The following GNAS variants were observed in gnomAD, a reference collection of about 807,000 sequenced individuals.
GNAS encodes the protein GNAS complex locus.
GNAS carries 8 observed loss-of-function variants against 54.5 expected under a neutral mutation model. The ratio of observed to expected loss-of-function variants is 0.15; its 90% CI spans 0.09 to 0.26. The LOEUF is 0.26. GNAS is among the 10% of genes least tolerant of loss of function. The probability of loss-of-function intolerance (pLI) is 1.00; values close to 1 mark genes in which losing one functional copy is unlikely to be tolerated. For missense variants in GNAS, 170 were observed against 529.8 expected (o/e 0.32, Z 6.67); for synonymous variants, 204 against 191.4 (o/e 1.07, Z -0.54).
At chr20:58,898,519 A>C (rs759334935) in intron 2 of GNAS, 1 of 198,344 alleles carries the variant, frequency 5.0e-6, no homozygotes, top group Non-Finnish European at 1.0e-5. Flanking sequence ...TTATGCCTTT[A>C]TGCCTTAAGT....
At chr20:58,891,930 G>T (rs1237694679) in intron 1 of GNAS, 65 bp downstream of exon 1, 19 of 923,420 alleles carry the variant, frequency 2.1e-5, no homozygotes, top group Non-Finnish European at 2.1e-5. Context: ...CGCAGGCCGC[G>T]CGCGCCGAGC....
At chr20:58,871,416 A>T (rs1159891372) in intron 1 of GNAS, among the ~76,000 whole-genome samples, 2 of 152,106 alleles carry the variant, frequency 1.3e-5, no homozygotes, top group Non-Finnish European at 2.9e-5. Flanking sequence ...GGAGTTCAAG[A>T]CCAGCCTGAC....
At chr20:58,876,153 T>C (rs555084913) in intron 1 of GNAS, among the ~76,000 whole-genome samples, 2 of 152,310 alleles carry the variant, frequency 1.3e-5, no homozygotes, top group African/African-American at 2.4e-5. Flanking sequence ...AATACTCTTA[T>C]AGAAACCCAA....
intron 1 of GNAS, among the ~76,000 whole-genome samples, chr20:58,878,399 G>C (rs1796177026): frequency 6.6e-6 from 1 of 152,252 alleles, no homozygotes; most frequent in South Asian, 2.1e-4. Flanking sequence ...AGCTGGTAAT[G>C]AAACAGCAAG....
chr20:58,911,055 T>C lies in GNAS; in HGVS notation c.*226T>C, dbSNP rs1298096505. 2 of 670,940 alleles carry C rather than the reference T, an allele frequency of 3.0e-6. No individual in the cohort carries two copies. The highest frequency in any genetic ancestry group is 1.8e-5 in the African/African-American group (1 of 56,588). 41.6% of individuals were successfully genotyped at this position (670,940 alleles called of 1,614,324 possible). A position where few individuals can be genotyped will look rare whatever the true frequency, so the allele number is the denominator to read the frequency against. On this transcript the variant is annotated 3_prime_UTR_variant, in exon 13 of 13. Transcript: ENST00000371085. ...GAAAAAGGAAAAAAGGCCACAAAAG[T>C]TCCCTCTCACTTTCAGTAAAAATAA...
intron 1 of GNAS, chr20:58,855,298 T>C (rs774226238): frequency 1.3e-6 from 2 of 1,582,292 alleles, no homozygotes; most frequent in South Asian, 1.2e-5. Context: ...GACGAAAAGA[T>C]GGGCTACATG....
chr20:58,899,666 CA>C (rs557238685), intron 3 of GNAS, among the ~76,000 whole-genome samples: 858 of 77,244 alleles, frequency 0.011, 5 homozygotes, highest in South Asian at 0.1. Flanking sequence ...CACACACACG[CA>C]CACACATGCA....
chr20:58,888,592 G>A (rs1330360425), upstream of GNAS: 1 of 152,268 alleles, frequency 6.6e-6, no homozygotes, highest in Admixed American at 6.5e-5. Flanking sequence ...CTCCCACCTG[G>A]GAGGACGCCT....
chr20:58,849,070 G>C (rs1284074868), intron 1 of GNAS, among the ~76,000 whole-genome samples: 1 of 152,090 alleles, frequency 6.6e-6, no homozygotes, highest in Non-Finnish European at 1.5e-5. Context: ...TTTTCAACTG[G>C]GGGAGATTTT....
intron 6 of GNAS, among the ~76,000 whole-genome samples, chr20:58,905,781 C>G (rs985513944): frequency 6.6e-6 from 1 of 152,056 alleles, no homozygotes; most frequent in African/African-American, 2.4e-5. Context: ...ATTGAATTGA[C>G]CCTAAGCATT....
chr20:58,870,726 C>T (rs1394335073), intron 1 of GNAS, among the ~76,000 whole-genome samples: 1 of 152,124 alleles, frequency 6.6e-6, no homozygotes, highest in Non-Finnish European at 1.5e-5. Context: ...TCTCCCTGCG[C>T]CAGACGCACA....
intron 1 of GNAS, among the ~76,000 whole-genome samples, chr20:58,859,553 C>T (rs1039435025): frequency 5.9e-5 from 9 of 151,810 alleles, no homozygotes; most frequent in Non-Finnish European, 8.8e-5. Context: ...TGAAACAGTC[C>T]TGGGCAATAA....
chr20:58,910,413 C>T lies in GNAS; in HGVS notation c.1038+12C>T, dbSNP rs1184947836. 3 of 1,596,656 alleles carry T rather than the reference C, an allele frequency of 1.9e-6. No individual in the cohort carries two copies. The highest frequency in any genetic ancestry group is 2.2e-5 in the South Asian group (2 of 90,764). On this transcript the variant is annotated intron_variant, in intron 12 of 12. Coordinates refer to ENST00000371085, the MANE Select transcript of GNAS (RefSeq NM_000516.7). The surrounding 1 kb of genome is among the most constrained non-coding windows in gnomAD (Gnocchi z 5.8). Reference sequence around the variant, plus strand: ...GAGATGAGTTTCTGGTGAGTCGAGCCTGTCTTTAGTTTCCTCTCTTGTTCC... The same window carrying T: ...GAGATGAGTTTCTGGTGAGTCGAGCTTGTCTTTAGTTTCCTCTCTTGTTCC...
At chr20:58,881,097 T>C (rs2088194943) in intron 1 of GNAS, among the ~76,000 whole-genome samples, 1 of 152,246 alleles carries the variant, frequency 6.6e-6, no homozygotes, top group Non-Finnish European at 1.5e-5. Context: ...GTTGAAATGA[T>C]GCATTTAAAA....
chr20:58,898,782 A>G, intron 2 of GNAS, 159 bp from the exon 3 acceptor site: 1 of 756,704 alleles, frequency 1.3e-6, no homozygotes, highest in East Asian at 2.5e-5. Context: ...ATTTAGCCAG[A>G]AAGGCGACCT....
chr20:58,840,232 C>T (rs370175837), upstream of GNAS: 43 of 1,611,010 alleles, frequency 2.7e-5, no homozygotes, highest in Non-Finnish European at 3.5e-5. The surrounding 1 kb of genome is among the most constrained non-coding windows in gnomAD (Gnocchi z 6.0). Flanking sequence ...TCGCGCTCCT[C>T]CGCGCCCTTG....
chr20:58,889,043 T>C, upstream of GNAS: 3 of 990,098 alleles, frequency 3.0e-6, no homozygotes, highest in Non-Finnish European at 3.6e-6. Flanking sequence ...GGCGGCCCAT[T>C]TGGGTGCGTC....
intron 1 of GNAS, among the ~76,000 whole-genome samples, chr20:58,878,945 G>C (rs995718140): frequency 6.6e-6 from 1 of 151,932 alleles, no homozygotes; most frequent in Non-Finnish European, 1.5e-5. Flanking sequence ...AGATGTAGAG[G>C]TTTGCAGAGC....
At chr20:58,889,378 C>T, upstream of GNAS, 7 of 983,828 alleles carry the variant, frequency 7.1e-6, no homozygotes, top group Non-Finnish European at 8.4e-6. Context: ...GCCGGGGCCT[C>T]CCGCGGAAGT....
Sources: allele counts gnomAD v4.1 joint callset (sites outside exome capture counted in the v4.1 genomes callset), GRCh38; gene constraint gnomAD v4.1.1; non-coding constraint Gnocchi (gnomAD v3.1); transcripts MANE v1.5; gene names NCBI Gene and HGNC (gene_info 2026-07-23, HGNC 2026-07-21).